Variants in THEMIS observed in about 807,000 individuals in gnomAD.
The protein encoded by THEMIS is protein THEMIS.
In THEMIS, 37 loss-of-function variants were observed where a neutral mutation model predicts 52.6. The ratio of observed to expected loss-of-function variants is 0.70; its 90% confidence interval spans 0.54 to 0.93. The LOEUF is 0.93. Ranked by LOEUF, THEMIS falls within the 40% of genes least tolerant of loss-of-function variation. The pLI is 0.00. For synonymous variants in THEMIS, 292 were observed against 272.7 expected, an observed-to-expected ratio of 1.07 and a Z score of -0.70; for missense variants, 808 against 763.1, an observed-to-expected ratio of 1.06 and a Z score of -0.69.
At chr6:127,908,648 A>G (rs2114524538) in intron 1 of THEMIS, among the ~76,000 whole-genome samples, 1 of 152,244 alleles carries the variant, frequency 6.6e-6, no homozygotes, top group East Asian at 1.9e-4. Flanking sequence ...AAGCCCTTAT[A>G]TTCATAAGAG....
chr6:127,788,768 C>T (rs970005738), intron 4 of THEMIS, among the ~76,000 whole-genome samples: 2 of 152,132 alleles, frequency 1.3e-5, no homozygotes. Flanking sequence ...ATTTAATCCT[C>T]ACTAACCCCT....
At chr6:127,736,690 C>G (rs912620815) in intron 4 of THEMIS, among the ~76,000 whole-genome samples, 10 of 151,882 alleles carry the variant, frequency 6.6e-5, no homozygotes, top group African/African-American at 2.2e-4. Flanking sequence ...ATTTTCAGAT[C>G]TATGTTTGGA....
At chr6:127,890,613 G>C (rs1000393427) in intron 1 of THEMIS, among the ~76,000 whole-genome samples, 1 of 152,004 alleles carries the variant, frequency 6.6e-6, no homozygotes, top group Admixed American at 6.6e-5. Flanking sequence ...ACAAAGAAAT[G>C]ATCAATGTTT....
intron 1 of THEMIS, among the ~76,000 whole-genome samples, chr6:127,912,060 C>A (rs1463321793): frequency 1.3e-5 from 2 of 152,150 alleles, no homozygotes; most frequent in Non-Finnish European, 1.5e-5. Flanking sequence ...AAGTACCCTG[C>A]AAAGTCATGG....
In THEMIS at chr6:127,849,446, C is replaced by T. The variant is rs1779343484; in HGVS notation, c.250+5584G>A. On this transcript the variant is annotated intron_variant, in intron 2 of 5. Transcript: ENST00000368248. Reference sequence around the variant, plus strand: ...TACCATATGAACTTTAAAGTAGATGCCATCCCCATCAAGCTACCAATGACT... The same window carrying T: ...TACCATATGAACTTTAAAGTAGATGTCATCCCCATCAAGCTACCAATGACT... Among the ~76,000 whole-genome samples, 4 of 151,732 alleles carry T rather than the reference C, an allele frequency of 2.6e-5. No individual in the cohort carries two copies. In the South Asian group the frequency reaches 6.2e-4, roughly 24 times the overall value.
At chr6:127,771,735 A>T (rs1776391608) in intron 4 of THEMIS, among the ~76,000 whole-genome samples, 1 of 152,172 alleles carries the variant, frequency 6.6e-6, no homozygotes, top group Non-Finnish European at 1.5e-5. Flanking sequence ...GATTGTTTAA[A>T]ACCAAAGATG....
At chr6:127,885,952 G>C (rs534402666) in intron 1 of THEMIS, among the ~76,000 whole-genome samples, 2 of 152,042 alleles carry the variant, frequency 1.3e-5, no homozygotes, top group South Asian at 4.2e-4. Flanking sequence ...GATTTACTTT[G>C]GTATCTACAG....
chr6:127,877,120 C>T (rs191681738), intron 1 of THEMIS, among the ~76,000 whole-genome samples: 1 of 152,276 alleles, frequency 6.6e-6, no homozygotes, highest in East Asian at 1.9e-4. Context: ...TCCTCTGAGT[C>T]TTCAGAGAGT....
chr6:127,854,943 C>G (rs1248286938), intron 2 of THEMIS, 87 bp downstream of exon 2: 15 of 1,195,356 alleles, frequency 1.3e-5, no homozygotes, highest in Admixed American at 6.1e-5. Flanking sequence ...AAAAACAGAC[C>G]ATTTTTTTCT....
At chr6:127,834,333 G>T (rs942403340) in intron 2 of THEMIS, among the ~76,000 whole-genome samples, 3 of 151,464 alleles carry the variant, frequency 2.0e-5, no homozygotes, top group African/African-American at 7.3e-5. Flanking sequence ...TACTTTGGGA[G>T]GCCAAGCGGG....
intron 4 of THEMIS, among the ~76,000 whole-genome samples, chr6:127,765,563 A>T (rs141697422): frequency 5.5e-4 from 84 of 152,260 alleles, no homozygotes; most frequent in African/African-American, 1.9e-3. Flanking sequence ...TCAAAATTGA[A>T]CTGATCGGGT....
At chr6:127,851,376 T>C (rs1332457423) in intron 2 of THEMIS, among the ~76,000 whole-genome samples, 1 of 151,620 alleles carries the variant, frequency 6.6e-6, no homozygotes, top group African/African-American at 2.4e-5. Context: ...AAGACAGCCT[T>C]GGAATCTCTC....
At chr6:127,875,884 A>G (rs1296239049) in intron 1 of THEMIS, among the ~76,000 whole-genome samples, 2 of 152,202 alleles carry the variant, frequency 1.3e-5, no homozygotes, top group African/African-American at 2.4e-5. Flanking sequence ...ATAATCCTCT[A>G]CATAGTTGAC....
chr6:127,832,995 G>A (rs1474144395), intron 2 of THEMIS, among the ~76,000 whole-genome samples: 3 of 151,774 alleles, frequency 2.0e-5, no homozygotes, highest in Non-Finnish European at 4.4e-5. Flanking sequence ...TGTTGGCCAA[G>A]CTGGTCTTGA....
intron 4 of THEMIS, among the ~76,000 whole-genome samples, chr6:127,758,203 A>G (rs998658744): frequency 1.3e-5 from 2 of 150,868 alleles, no homozygotes; most frequent in South Asian, 2.1e-4. Flanking sequence ...GTATACAAAT[A>G]TCAAATCATA....
At chr6:127,835,142 C>T (rs897805251) in intron 2 of THEMIS, among the ~76,000 whole-genome samples, 4 of 152,112 alleles carry the variant, frequency 2.6e-5, no homozygotes, top group Non-Finnish European at 4.4e-5. Flanking sequence ...CTCCACAGAC[C>T]TTAGGCACCC....
chr6:127,811,485 G>A (rs1310522806), intron 4 of THEMIS, among the ~76,000 whole-genome samples: 1 of 152,174 alleles, frequency 6.6e-6, no homozygotes, highest in Non-Finnish European at 1.5e-5. Context: ...TATCTGGAAA[G>A]GTTCTTGTAA....
At chr6:127,895,536 A>G (rs1160260604) in intron 1 of THEMIS, among the ~76,000 whole-genome samples, 2 of 151,602 alleles carry the variant, frequency 1.3e-5, no homozygotes, top group African/African-American at 4.8e-5. Flanking sequence ...AGCAATATAT[A>G]TATACACATG....
chr6:127,793,877 G>T (rs773498835), intron 4 of THEMIS, among the ~76,000 whole-genome samples: 2 of 152,144 alleles, frequency 1.3e-5, no homozygotes, highest in Non-Finnish European at 2.9e-5. Context: ...TATTTACAGA[G>T]CCAGGGCGAG....
Sources: gnomAD v4.1 joint callset for allele counts (sites outside exome capture counted in the v4.1 genomes callset) on GRCh38, gnomAD v4.1.1 for gene constraint, MANE v1.5 for transcripts, NCBI Gene and HGNC (gene_info 2026-07-23, HGNC 2026-07-21) for gene names.